NREP: variants seen among roughly 807,000 people sequenced by gnomAD.
NREP encodes the protein neuronal regeneration related protein.
In NREP, 5 loss-of-function variants were observed where a neutral mutation model predicts 8.6. The ratio of observed to expected loss-of-function variants is 0.58; its 90% CI spans 0.30 to 1.22. NREP has a LOEUF of 1.22. NREP is among the 50% of genes most tolerant of loss of function. The pLI, the probability that NREP is intolerant of heterozygous loss-of-function variation, is 0.07. For missense variants in NREP, 86 were observed against 82.5 expected, an observed-to-expected ratio of 1.04 and a Z score of -0.17; for synonymous variants, 27 against 28.0, an observed-to-expected ratio of 0.96 and a Z score of 0.11.
chr5:111,973,046 C>T (rs1476734622), intron 2 of NREP, among the ~76,000 whole-genome samples: 1 of 152,142 alleles, frequency 6.6e-6, no homozygotes, highest in Admixed American at 6.5e-5. Context: ...ACTGGCCCTG[C>T]TGGAAAGAGA....
chr5:111,847,130 C>T (rs532124490), intron 2 of NREP, among the ~76,000 whole-genome samples: 5 of 150,742 alleles, frequency 3.3e-5, no homozygotes, highest in African/African-American at 1.2e-4. Flanking sequence ...TTTTTTTACA[C>T]ACTGTCTTGG....
intron 2 of NREP, among the ~76,000 whole-genome samples, chr5:111,746,835 TAAC>T (rs1581067171): frequency 2.0e-5 from 3 of 152,190 alleles, no homozygotes; most frequent in Non-Finnish European, 2.9e-5. Flanking sequence ...CTAATTCTGT[TAAC>T]AACACAACTG....
intron 2 of NREP, among the ~76,000 whole-genome samples, chr5:111,786,525 A>G (rs1751615207): frequency 1.3e-5 from 2 of 152,192 alleles, no homozygotes; most frequent in African/African-American, 4.8e-5. Context: ...GCATGGATAT[A>G]CTATTATTTT....
chr5:111,879,226 C>A (rs956806191), intron 2 of NREP, among the ~76,000 whole-genome samples: 1 of 152,134 alleles, frequency 6.6e-6, no homozygotes, highest in Non-Finnish European at 1.5e-5. Flanking sequence ...TGGGGCCTCA[C>A]CAGAAACCAA....
Position 111,737,860 on chromosome 5 carries a change from T to A in NREP, c.4-2353A>T, listed in dbSNP as rs540034110. On this transcript the variant is annotated intron_variant, in intron 2 of 3. Transcript: ENST00000257435. ...TCATATTTGTTACACTGACCAAGGC[T>A]TTTTTTTTCACTATTAGGCATTTTT... Among the ~76,000 whole-genome samples the A allele has an allele frequency of 2.2e-4, 31 of 138,400 alleles. No homozygotes were observed. The East Asian group carries it at 6.3e-3, about 28-fold the overall frequency. 90.8% of individuals were successfully genotyped at this position (138,400 alleles called of 152,430 possible).
At chr5:111,805,753 A>AT (rs1752125179) in intron 2 of NREP, among the ~76,000 whole-genome samples, 1 of 127,490 alleles carries the variant, frequency 7.8e-6, no homozygotes, top group African/African-American at 2.9e-5. Context: ...TGTTTACTAC[A>AT]CAGAGATAGA....
chr5:111,775,082 C>A (rs114337320), intron 2 of NREP, among the ~76,000 whole-genome samples: 4 of 152,018 alleles, frequency 2.6e-5, no homozygotes, highest in Admixed American at 2.6e-4. Flanking sequence ...TAAGAGATGG[C>A]GTTTTGCTAT....
At chr5:111,913,040 A>G (rs1014845864) in intron 2 of NREP, among the ~76,000 whole-genome samples, 2 of 152,150 alleles carry the variant, frequency 1.3e-5, no homozygotes, top group East Asian at 1.9e-4. Flanking sequence ...ACAATGTGTA[A>G]GACACCTACT....
chr5:111,923,558 C>T (rs1755303782), intron 2 of NREP, among the ~76,000 whole-genome samples: 2 of 152,184 alleles, frequency 1.3e-5, no homozygotes, highest in Admixed American at 6.5e-5. Flanking sequence ...CTCTAGAAGA[C>T]AGCAATTCTG....
At chr5:111,884,232 G>C (rs1581189949) in intron 2 of NREP, among the ~76,000 whole-genome samples, 1 of 151,416 alleles carries the variant, frequency 6.6e-6, no homozygotes, top group South Asian at 2.1e-4. Flanking sequence ...AGAAGAAATG[G>C]ATAAATTCCT....
intron 2 of NREP, among the ~76,000 whole-genome samples, chr5:111,793,121 G>T (rs1751789456): frequency 6.6e-6 from 1 of 152,092 alleles, no homozygotes; most frequent in South Asian, 2.1e-4. Context: ...AATGAAACAT[G>T]GGCATTTCCC....
chr5:111,817,347 C>G (rs954529015), intron 2 of NREP, among the ~76,000 whole-genome samples: 4 of 152,094 alleles, frequency 2.6e-5, no homozygotes, highest in Non-Finnish European at 4.4e-5. Flanking sequence ...TTTTCTCATT[C>G]TCAATACCAG....
chr5:111,976,600 C>G, intron 1 of NREP: 1 of 808,564 alleles, frequency 1.2e-6, no homozygotes, highest in South Asian at 1.8e-5. Flanking sequence ...GCAAAATGAA[C>G]AAGGTTAAAA....
chr5:111,882,777 G>C (rs1478870341), intron 2 of NREP, among the ~76,000 whole-genome samples: 83 of 152,274 alleles, frequency 5.5e-4, no homozygotes, highest in Non-Finnish European at 9.7e-4. Flanking sequence ...AGCAAATGCT[G>C]AGAGATTTTG....
chr5:111,813,918 T>G (rs1752324870), intron 2 of NREP, among the ~76,000 whole-genome samples: 1 of 152,118 alleles, frequency 6.6e-6, no homozygotes, highest in African/African-American at 2.4e-5. Flanking sequence ...CCTGCTATCC[T>G]TTTGTGTGCA....
chr5:111,800,193 G>A (rs187552475), intron 2 of NREP, among the ~76,000 whole-genome samples: 4 of 152,068 alleles, frequency 2.6e-5, no homozygotes, highest in Non-Finnish European at 5.9e-5. Flanking sequence ...CTCCCAAAGT[G>A]TTGGGATTAC....
At chr5:111,785,681 G>A (rs942021072) in intron 2 of NREP, among the ~76,000 whole-genome samples, 1 of 152,158 alleles carries the variant, frequency 6.6e-6, no homozygotes, top group Non-Finnish European at 1.5e-5. Flanking sequence ...TTTAGGAGTG[G>A]TGAGTTCATG....
At chr5:111,893,842 G>A (rs1345955416) in intron 2 of NREP, among the ~76,000 whole-genome samples, 1 of 151,840 alleles carries the variant, frequency 6.6e-6, no homozygotes, top group East Asian at 2.0e-4. Context: ...AATGGGAACA[G>A]AATTTTTACA....
chr5:111,889,618 G>GA (rs1419646049), intron 2 of NREP, among the ~76,000 whole-genome samples: 1 of 152,156 alleles, frequency 6.6e-6, no homozygotes, highest in African/African-American at 2.4e-5. Context: ...ATTTGGAGAT[G>GA]ATTTCCTTCT....
Sources: gnomAD v4.1 joint callset for allele counts (sites outside exome capture counted in the v4.1 genomes callset) on GRCh38, gnomAD v4.1.1 for gene constraint, MANE v1.5 for transcripts, NCBI Gene and HGNC (gene_info 2026-07-23, HGNC 2026-07-21) for gene names.